The following LPIN2 variants were observed in gnomAD, a reference collection of about 807,000 sequenced individuals.
LPIN2 encodes the protein phosphatidate phosphatase LPIN2.
A neutral mutation model predicts 111.4 loss-of-function variants in LPIN2; 55 were observed. The observed-to-expected ratio is 0.49, with a 90% CI of 0.40 to 0.62. The LOEUF is 0.62. LPIN2 is among the 20% of genes least tolerant of loss of function. The probability of loss-of-function intolerance (pLI) is 0.00; values close to 1 mark genes in which losing one functional copy is unlikely to be tolerated. For synonymous variants in LPIN2, 425 were observed against 414.0 expected (o/e 1.03, Z -0.32); for missense variants, 992 against 1,112.1 (o/e 0.89, Z 1.54).
chr18:2,984,672 T>G (rs1160577911), intron 1 of LPIN2, among the ~76,000 whole-genome samples: 1 of 151,748 alleles, frequency 6.6e-6, no homozygotes, highest in Non-Finnish European at 1.5e-5. Context: ...AGGGGAAAAC[T>G]GTAAGGAGGG....
At chr18:3,007,110 T>G (rs1408953070) in intron 1 of LPIN2, among the ~76,000 whole-genome samples, 1 of 152,218 alleles carries the variant, frequency 6.6e-6, no homozygotes, top group Non-Finnish European at 1.5e-5. Flanking sequence ...GAATAGTTCA[T>G]ATGTAAATTG....
At chr18:2,922,739 TTGTAAGTAC>T (rs1276970547) in intron 16 of LPIN2, among the ~76,000 whole-genome samples, 1 of 152,208 alleles carries the variant, frequency 6.6e-6, no homozygotes, top group Non-Finnish European at 1.5e-5. Context: ...TATGTTAAGT[TTGTAAGTAC>T]TGATATAAAA....
intron 9 of LPIN2, 103 bp from the exon 10 acceptor site, chr18:2,929,261 G>T: frequency 2.4e-6 from 2 of 820,246 alleles, no homozygotes; most frequent in Non-Finnish European, 4.0e-6. Flanking sequence ...AAAATCATCT[G>T]TCTAAAAAAA....
At chr18:2,923,420 CAAAAAAA>C (rs869052239) in intron 16 of LPIN2, among the ~76,000 whole-genome samples, 5 of 26,590 alleles carry the variant, frequency 1.9e-4, no homozygotes, top group Non-Finnish European at 2.5e-4. Flanking sequence ...AACTCCATCT[CAAAAAAA>C]AAAAAAAAAA....
chr18:2,992,519 T>C (rs1479597925), intron 1 of LPIN2, among the ~76,000 whole-genome samples: 2 of 152,196 alleles, frequency 1.3e-5, no homozygotes, highest in Admixed American at 6.5e-5. Flanking sequence ...CATGAAATCA[T>C]ACATTCAAAA....
At chr18:2,971,732 TATAACC>T (rs1284486949) in intron 1 of LPIN2, among the ~76,000 whole-genome samples, 2 of 132,268 alleles carry the variant, frequency 1.5e-5, no homozygotes, top group African/African-American at 2.8e-5. Flanking sequence ...TGAAGATACA[TATAACC>T]ATGCACTGGA....
intron 18 of LPIN2, 86 bp from the exon 19 acceptor site, chr18:2,920,967 CACAG>C (rs2077045049): frequency 8.9e-6 from 8 of 897,158 alleles, no homozygotes; most frequent in Admixed American, 1.7e-5. Context: ...AGAAGCACTG[CACAG>C]ACAGACTCGA....
At chr18:2,985,087 G>C (rs1360811114) in intron 1 of LPIN2, 2 of 152,290 alleles carry the variant, frequency 1.3e-5, no homozygotes, top group East Asian at 3.8e-4. Flanking sequence ...ATGACTCCCA[G>C]AATGTCCTGA....
chr18:2,962,466 A>T (rs2077727890), intron 1 of LPIN2, among the ~76,000 whole-genome samples: 1 of 152,230 alleles, frequency 6.6e-6, no homozygotes. Flanking sequence ...GTGCTCAATA[A>T]TCATTTATTG....
chr18:2,981,352 T>C (rs534945735), intron 1 of LPIN2, among the ~76,000 whole-genome samples: 2 of 152,334 alleles, frequency 1.3e-5, no homozygotes, highest in Non-Finnish European at 2.9e-5. Flanking sequence ...AGAAAACTCA[T>C]GCTTCTCATG....
intron 1 of LPIN2, among the ~76,000 whole-genome samples, chr18:2,995,421 C>A (rs1036266666): frequency 1.3e-5 from 2 of 152,208 alleles, no homozygotes; most frequent in African/African-American, 4.8e-5. Context: ...TCCCCAGTGT[C>A]TTCTCTTCTT....
At chr18:2,942,699 A>C (rs1016678817) in intron 4 of LPIN2, among the ~76,000 whole-genome samples, 2 of 152,318 alleles carry the variant, frequency 1.3e-5, no homozygotes, top group African/African-American at 2.4e-5. Context: ...CAGTGACAGA[A>C]AAGATTTATG....
intron 4 of LPIN2, among the ~76,000 whole-genome samples, chr18:2,941,952 A>G (rs1568544504): frequency 6.6e-6 from 1 of 152,184 alleles, no homozygotes; most frequent in Non-Finnish European, 1.5e-5. Context: ...GCAAAGCATA[A>G]AGCGCCATAT....
At chr18:2,945,617 T>A in intron 4 of LPIN2, 3 of 1,525,232 alleles carry the variant, frequency 2.0e-6, no homozygotes, top group Non-Finnish European at 1.8e-6. Context: ...GCCCACTGCA[T>A]CGGTTCAGCT....
At chr18:2,939,052 T>C (rs1049879339) in intron 6 of LPIN2, among the ~76,000 whole-genome samples, 4 of 152,152 alleles carry the variant, frequency 2.6e-5, no homozygotes, top group East Asian at 1.9e-4. Context: ...TCTCAGCTAC[T>C]TGAAAGTCTG....
At chr18:2,940,559 A>G in intron 5 of LPIN2, 46 bp downstream of exon 5, 1 of 1,135,692 alleles carries the variant, frequency 8.8e-7, no homozygotes, top group Non-Finnish European at 1.3e-6. Context: ...TAATTAATAC[A>G]TCTCCTTCCT....
intron 1 of LPIN2, among the ~76,000 whole-genome samples, chr18:3,008,083 AT>A (rs1363815284): frequency 6.6e-6 from 1 of 152,236 alleles, no homozygotes; most frequent in Non-Finnish European, 1.5e-5. Context: ...ATACTAACCA[AT>A]GAACTTTTTG....
intron 1 of LPIN2, among the ~76,000 whole-genome samples, chr18:3,010,247 A>C (rs1418201132): frequency 1.4e-5 from 2 of 148,034 alleles, no homozygotes; most frequent in Non-Finnish European, 3.0e-5. Context: ...GATTCCAAAA[A>C]TCACAGTTAA....
At chr18:2,952,105 G>A (rs2077545891) in intron 3 of LPIN2, among the ~76,000 whole-genome samples, 1 of 152,132 alleles carries the variant, frequency 6.6e-6, no homozygotes, top group African/African-American at 2.4e-5. Context: ...TATCATCAGA[G>A]GAAATGGAAG....
Sources: gnomAD v4.1 joint callset for allele counts (sites outside exome capture counted in the v4.1 genomes callset) on GRCh38, gnomAD v4.1.1 for gene constraint, MANE v1.5 for transcripts, NCBI Gene and HGNC (gene_info 2026-07-23, HGNC 2026-07-21) for gene names.